Variants in RAB3GAP1 observed in about 807,000 individuals in gnomAD.
RAB3GAP1 encodes RAB3 GTPase activating protein catalytic subunit 1.
RAB3GAP1 carries 86 observed loss-of-function variants against 130.7 expected under a neutral mutation model. The ratio of observed to expected loss-of-function variants is 0.66; its 90% CI spans 0.55 to 0.79. The LOEUF (loss-of-function observed/expected upper bound fraction) is 0.79. Among genes scored for constraint, RAB3GAP1 ranks in the 30% least tolerant of loss-of-function variants. RAB3GAP1 has a pLI of 0.00. For missense variants in RAB3GAP1, 1,029 were observed against 1,169.4 expected, an observed-to-expected ratio of 0.88 and a Z score of 1.75; for synonymous variants, 367 against 401.7, an observed-to-expected ratio of 0.91 and a Z score of 1.03.
chr2:135,120,935 C>A lies in RAB3GAP1; in HGVS notation c.748+17C>A. 1 of 1,468,934 alleles carries A rather than the reference C, an allele frequency of 6.8e-7. No homozygotes were observed. The highest frequency in any genetic ancestry group is 9.5e-7 in the Non-Finnish European group (1 of 1,047,996). The allele number at this position is 1,468,934 out of a possible 1,614,324, so 91.0% of individuals were successfully genotyped here. Reference sequence around the variant, plus strand: ...AACCTCCAGGTGAGATCATTTAGAACTATATTTAACTTACTGAATATAAAT... The same window carrying A: ...AACCTCCAGGTGAGATCATTTAGAAATATATTTAACTTACTGAATATAAAT... On this transcript the variant is annotated intron_variant, in intron 8 of 23. Coordinates refer to ENST00000264158, the MANE Select transcript of RAB3GAP1 (RefSeq NM_012233.3).
intron 14 of RAB3GAP1, among the ~76,000 whole-genome samples, chr2:135,133,384 A>C (rs1691598921): frequency 6.6e-6 from 1 of 152,178 alleles, no homozygotes; most frequent in African/African-American, 2.4e-5. Context: ...GTCTTTGAAA[A>C]ATTAAGAAGT....
At chr2:135,081,960 G>A (rs1689833797) in intron 3 of RAB3GAP1, among the ~76,000 whole-genome samples, 1 of 151,942 alleles carries the variant, frequency 6.6e-6, no homozygotes. Flanking sequence ...GGCCAACATG[G>A]TAAAGCCCCC....
intron 5 of RAB3GAP1, among the ~76,000 whole-genome samples, chr2:135,111,256 T>C (rs1433291611): frequency 2.6e-5 from 4 of 152,120 alleles, no homozygotes; most frequent in African/African-American, 9.7e-5. Flanking sequence ...GATAATAAAT[T>C]AGGCAAATGA....
chr2:135,104,857 C>G (rs902197389), intron 5 of RAB3GAP1, among the ~76,000 whole-genome samples: 3 of 152,090 alleles, frequency 2.0e-5, no homozygotes, highest in African/African-American at 7.2e-5. Context: ...CCACGGCACT[C>G]CAGCCTGGGC....
chr2:135,146,088 T>C (rs1447233079), intron 17 of RAB3GAP1, among the ~76,000 whole-genome samples: 2 of 152,214 alleles, frequency 1.3e-5, no homozygotes, highest in Non-Finnish European at 2.9e-5. Context: ...CTATTTGCTT[T>C]ATTATACCTT....
chr2:135,077,311 A>G (rs1420296053), intron 3 of RAB3GAP1, among the ~76,000 whole-genome samples: 3 of 152,040 alleles, frequency 2.0e-5, no homozygotes, highest in Non-Finnish European at 2.9e-5. Context: ...CCATTCATTC[A>G]TCTGTCATCT....
At chr2:135,106,316 AG>A (rs955874164) in intron 5 of RAB3GAP1, among the ~76,000 whole-genome samples, 7 of 152,226 alleles carry the variant, frequency 4.6e-5, no homozygotes, top group African/African-American at 1.7e-4. Context: ...CGAATAGAAA[AG>A]GGGGAAATGT....
intron 3 of RAB3GAP1, among the ~76,000 whole-genome samples, chr2:135,061,112 T>C (rs956301521): frequency 7.9e-5 from 12 of 152,098 alleles, no homozygotes; most frequent in Non-Finnish European, 1.6e-4. Context: ...CGATAATGTT[T>C]TTGAGATTCA....
At chr2:135,112,625 G>A (rs535055471) in intron 5 of RAB3GAP1, among the ~76,000 whole-genome samples, 20 of 152,198 alleles carry the variant, frequency 1.3e-4, no homozygotes, top group South Asian at 1.2e-3. Flanking sequence ...TCTTGGCAGC[G>A]TTCTCAGCCC....
At chr2:135,147,382 G>C (rs892536603) in intron 17 of RAB3GAP1, among the ~76,000 whole-genome samples, 1 of 151,412 alleles carries the variant, frequency 6.6e-6, no homozygotes, top group African/African-American at 2.4e-5. Context: ...AAGGAAAAAT[G>C]AAAGTTTCTA....
At chr2:135,083,791 T>TA (rs1553440847) in intron 3 of RAB3GAP1, among the ~76,000 whole-genome samples, 9 of 142,662 alleles carry the variant, frequency 6.3e-5, no homozygotes, top group African/African-American at 1.1e-4. Flanking sequence ...TTTTTTTTTT[T>TA]AATTATAGCC....
At chr2:135,064,120 T>G (rs1170650631) in intron 3 of RAB3GAP1, among the ~76,000 whole-genome samples, 1 of 152,174 alleles carries the variant, frequency 6.6e-6, no homozygotes, top group Non-Finnish European at 1.5e-5. Context: ...TTTTGAGATT[T>G]TTTTATTTAA....
At chr2:135,126,537 C>T (rs1691353585) in intron 10 of RAB3GAP1, 46 bp from the exon 11 acceptor site, 1 of 1,481,076 alleles carries the variant, frequency 6.8e-7, no homozygotes, top group Admixed American at 1.7e-5. Flanking sequence ...ATGAATCTTG[C>T]AGATTGTCAT....
At chr2:135,070,285 C>G (rs1195026917) in intron 3 of RAB3GAP1, among the ~76,000 whole-genome samples, 1 of 152,170 alleles carries the variant, frequency 6.6e-6, no homozygotes, top group East Asian at 1.9e-4. Context: ...AATAAAATCC[C>G]TCTGTTATTT....
intron 3 of RAB3GAP1, among the ~76,000 whole-genome samples, chr2:135,071,911 T>A (rs1009241957): frequency 1.3e-5 from 2 of 152,200 alleles, no homozygotes; most frequent in South Asian, 4.1e-4. Context: ...TGAATCTTTC[T>A]TTCTTTCTTT....
At chr2:135,166,748 G>C (rs1201989987) in intron 23 of RAB3GAP1, among the ~76,000 whole-genome samples, 3 of 151,866 alleles carry the variant, frequency 2.0e-5, no homozygotes, top group South Asian at 2.1e-4. Context: ...TTTAAAAGTA[G>C]GGTTATATTA....
At chr2:135,137,443 A>G (rs1192708597) in intron 17 of RAB3GAP1, 3 of 156,190 alleles carry the variant, frequency 1.9e-5, no homozygotes, top group African/African-American at 7.2e-5. Flanking sequence ...TATCCATATT[A>G]AAAGGAGATG....
At chr2:135,081,256 G>A (rs1392913907) in intron 3 of RAB3GAP1, among the ~76,000 whole-genome samples, 21 of 133,522 alleles carry the variant, frequency 1.6e-4, no homozygotes, top group Admixed American at 5.8e-4. Flanking sequence ...GCAGTGAGCC[G>A]AGATCGCGCC....
In RAB3GAP1 at chr2:135,052,562, A is replaced by G. The variant is rs917741450; in HGVS notation, c.74+77A>G. 12 of 1,513,232 alleles carry G rather than the reference A, an allele frequency of 7.9e-6. No individual in the cohort carries two copies. The African/African-American group carries it at 1.6e-4, about 21-fold the overall frequency. 93.7% of individuals were successfully genotyped at this position (1,513,232 alleles called of 1,614,324 possible). The stretch of plus-strand genomic sequence containing the variant: ...TAGCCGCTTCCCTGACCCCAGACAC[A>G]CCACAAGTGACGCCACTTGTGCGGG... On this transcript the variant is annotated intron_variant, in intron 2 of 23. Coordinates refer to ENST00000264158, the MANE Select transcript of RAB3GAP1 (RefSeq NM_012233.3).
Sources: allele counts gnomAD v4.1 joint callset (sites outside exome capture counted in the v4.1 genomes callset), GRCh38; gene constraint gnomAD v4.1.1; transcripts MANE v1.5; gene names NCBI Gene and HGNC (gene_info 2026-07-23, HGNC 2026-07-21).